Variants in CACNA2D3 observed in about 807,000 individuals in gnomAD.
CACNA2D3 encodes voltage-dependent calcium channel subunit alpha-2/delta-3.
A neutral mutation model predicts 160.6 loss-of-function variants in CACNA2D3; 60 were observed. The observed-to-expected ratio is 0.37, with a 90% confidence interval of 0.30 to 0.46. The LOEUF is 0.46. Among genes scored for constraint, CACNA2D3 ranks in the 20% least tolerant of loss-of-function variants. The pLI is 1.00. For missense variants in CACNA2D3, 1,205 were observed against 1,365.0 expected, an observed-to-expected ratio of 0.88 and a Z score of 1.85; for synonymous variants, 558 against 492.9, an observed-to-expected ratio of 1.13 and a Z score of -1.75.
At chr3:55,065,646 G>A (rs1454101976) in intron 35 of CACNA2D3, among the ~76,000 whole-genome samples, 1 of 151,004 alleles carries the variant, frequency 6.6e-6, no homozygotes, top group African/African-American at 2.4e-5. Context: ...CAGCCTGGAC[G>A]ACAGAGCAAG....
chr3:54,627,085 C>A (rs6803005), intron 9 of CACNA2D3, among the ~76,000 whole-genome samples: 1 of 152,076 alleles, frequency 6.6e-6, no homozygotes, highest in Non-Finnish European at 1.5e-5. Context: ...ATGTTGTGAT[C>A]CAGTCTTTAT....
chr3:54,225,700 C>G (rs1313976203), intron 2 of CACNA2D3, among the ~76,000 whole-genome samples: 2 of 151,708 alleles, frequency 1.3e-5, no homozygotes, highest in Non-Finnish European at 2.9e-5. Flanking sequence ...TTTTTTGAAC[C>G]TATTAATTAT....
intron 13 of CACNA2D3, 77 bp downstream of exon 13, chr3:54,764,428 A>G (rs1702180118): frequency 6.5e-7 from 1 of 1,537,620 alleles, no homozygotes; most frequent in Non-Finnish European, 8.9e-7. Flanking sequence ...GAAAATAGCA[A>G]CTGTATCACT....
intron 3 of CACNA2D3, among the ~76,000 whole-genome samples, chr3:54,369,232 A>T (rs964254967): frequency 6.6e-6 from 1 of 152,126 alleles, no homozygotes; most frequent in Non-Finnish European, 1.5e-5. Flanking sequence ...ACAAACAAAC[A>T]AACAAAAAAC....
At chr3:54,850,796 CTG>C (rs928222711) in intron 17 of CACNA2D3, among the ~76,000 whole-genome samples, 18 of 152,306 alleles carry the variant, frequency 1.2e-4, no homozygotes, top group African/African-American at 1.4e-4. Flanking sequence ...GCTGTTTGCT[CTG>C]TGTCTGCAAA....
rs79225389 is a variant in CACNA2D3, at chr3:54,916,785, T to G, written c.2449+16917T>G. On this transcript the variant is annotated intron_variant, in intron 27 of 37. Transcript: ENST00000474759. ...ACATTTCAGTTAGAGAATGGACTAC[T>G]GATTTAGGATCCAAACCAATCATTA... Among the ~76,000 whole-genome samples, 349 of 152,376 alleles carry G rather than the reference T, an allele frequency of 2.3e-3. 1 individual carries two copies. The highest frequency in any genetic ancestry group is 4.8e-3 in the South Asian group (23 of 4,826).
chr3:54,972,792 A>G (rs1702303950), intron 29 of CACNA2D3, among the ~76,000 whole-genome samples: 1 of 152,182 alleles, frequency 6.6e-6, no homozygotes, highest in South Asian at 2.1e-4. Flanking sequence ...GGGCCTGGCC[A>G]TGGGGCTGAC....
At chr3:54,785,113 G>A (rs1173280478) in intron 13 of CACNA2D3, among the ~76,000 whole-genome samples, 1 of 152,200 alleles carries the variant, frequency 6.6e-6, no homozygotes, top group Non-Finnish European at 1.5e-5. Flanking sequence ...CACCAGCAGA[G>A]CCATGGAGCT....
intron 4 of CACNA2D3, among the ~76,000 whole-genome samples, chr3:54,450,335 C>A (rs1700285414): frequency 6.6e-6 from 1 of 152,196 alleles, no homozygotes; most frequent in Admixed American, 6.5e-5. Context: ...AATTCATATC[C>A]TTCCTATGTG....
chr3:54,607,326 G>T (rs1478528720), intron 9 of CACNA2D3, among the ~76,000 whole-genome samples: 6 of 151,970 alleles, frequency 3.9e-5, no homozygotes, highest in Non-Finnish European at 8.8e-5. Context: ...TTTTTGTTTT[G>T]TTTTGTTTTT....
At chr3:54,489,754 A>T (rs1030248841) in intron 4 of CACNA2D3, among the ~76,000 whole-genome samples, 8 of 152,232 alleles carry the variant, frequency 5.3e-5, no homozygotes, top group African/African-American at 1.9e-4. Flanking sequence ...TGGCTTGTTA[A>T]GTAGGCCATT....
At chr3:54,899,677 A>C (rs1188102048) in intron 26 of CACNA2D3, 111 bp from the exon 27 acceptor site, 1 of 788,066 alleles carries the variant, frequency 1.3e-6, no homozygotes, top group African/African-American at 1.7e-5. Flanking sequence ...GCCTGGGACC[A>C]AGCCCCAGAA....
intron 2 of CACNA2D3, among the ~76,000 whole-genome samples, chr3:54,199,820 G>T (rs989121511): frequency 6.6e-6 from 1 of 152,146 alleles, no homozygotes; most frequent in Non-Finnish European, 1.5e-5. Context: ...TTAACACTAG[G>T]TAAAGAAAGG....
chr3:54,644,329 A>G (rs1575402512), intron 11 of CACNA2D3, among the ~76,000 whole-genome samples: 1 of 152,034 alleles, frequency 6.6e-6, no homozygotes, highest in Non-Finnish European at 1.5e-5. Flanking sequence ...TTTCTGTAGC[A>G]AAAGGGTCTT....
At chr3:54,821,692 C>CTTTCTT (rs1559594964) in intron 14 of CACNA2D3, among the ~76,000 whole-genome samples, 1 of 126,428 alleles carries the variant, frequency 7.9e-6, no homozygotes, top group African/African-American at 3.3e-5. Flanking sequence ...TTCTTTCTTT[C>CTTTCTT]TTTCTTTCCT....
At chr3:54,187,052 C>T (rs531297683) in intron 2 of CACNA2D3, among the ~76,000 whole-genome samples, 11 of 152,166 alleles carry the variant, frequency 7.2e-5, no homozygotes, top group Non-Finnish European at 1.3e-4. Flanking sequence ...GATAATCTCT[C>T]GGCATTTTGG....
chr3:54,365,974 A>G (rs1293926908), intron 3 of CACNA2D3, among the ~76,000 whole-genome samples: 5 of 152,208 alleles, frequency 3.3e-5, no homozygotes, highest in South Asian at 2.1e-4. Context: ...ACAGACACTG[A>G]TGGAGCACCA....
In CACNA2D3 at chr3:54,210,426, G is replaced by T. The variant is rs180995868; in HGVS notation, c.204+86832G>T. Among the ~76,000 whole-genome samples, 858 of 137,440 alleles carry T rather than the reference G, an allele frequency of 6.2e-3. 7 individuals carry two copies. Among genetic ancestry groups the T allele is most frequent in the African/African-American group, 0.02 (799 of 40,004 alleles). 90.2% of individuals were successfully genotyped at this position (137,440 alleles called of 152,430 possible). A position where few individuals can be genotyped will look rare whatever the true frequency, so the allele number is the denominator to read the frequency against. On this transcript the variant is annotated intron_variant, in intron 2 of 37. Transcript: ENST00000474759. ...AATCTATACACTGTGCAAAGTTTTT[G>T]TGTGTGTGTGTGTGTTTGTGTGTGT... is the stretch of plus-strand genomic sequence containing the variant.
chr3:54,805,634 T>C (rs566410006), intron 13 of CACNA2D3, among the ~76,000 whole-genome samples: 13 of 152,266 alleles, frequency 8.5e-5, no homozygotes, highest in South Asian at 4.1e-4. Context: ...CAAAGAGGAA[T>C]TGGTACCATT....
Sources: gnomAD v4.1 joint callset for allele counts (sites outside exome capture counted in the v4.1 genomes callset) on GRCh38, gnomAD v4.1.1 for gene constraint, MANE v1.5 for transcripts, NCBI Gene and HGNC (gene_info 2026-07-23, HGNC 2026-07-21) for gene names.